Variants in GBE1 observed in about 807,000 individuals in gnomAD.
The protein encoded by GBE1 is 1,4-alpha-glucan branching enzyme 1.
Under a neutral mutation model 88.8 loss-of-function variants are expected in GBE1, and 70 were observed. The observed-to-expected ratio is 0.79, with a 90% CI of 0.65 to 0.96. The LOEUF (loss-of-function observed/expected upper bound fraction) is 0.96. Among genes scored for constraint, GBE1 ranks in the 40% least tolerant of loss-of-function variants. The probability of loss-of-function intolerance (pLI) is 0.00; values close to 1 mark genes in which losing one functional copy is unlikely to be tolerated. For synonymous variants in GBE1, 284 were observed against 300.1 expected (o/e 0.95, Z 0.56); for missense variants, 872 against 871.0 (o/e 1.00, Z -0.01).
intron 7 of GBE1, among the ~76,000 whole-genome samples, chr3:81,599,787 T>C (rs1013500319): frequency 6.6e-6 from 1 of 152,150 alleles, no homozygotes; most frequent in East Asian, 1.9e-4. Context: ...AGCTAATGAC[T>C]AGTTCAAATC....
intron 14 of GBE1, chr3:81,534,969 C>T: frequency 2.3e-6 from 1 of 443,288 alleles, no homozygotes. Flanking sequence ...ACCACGTCTG[C>T]ACTAACCCCT....
In GBE1 at chr3:81,754,514, C is replaced by CAA. The variant is rs61660989; in HGVS notation, c.143+6859_143+6860dup. Among the ~76,000 whole-genome samples, 323 of 79,346 alleles carry CAA rather than the reference C, an allele frequency of 4.1e-3. 2 individuals are homozygous for CAA. In the Middle Eastern group the frequency reaches 0.07, roughly 17 times the overall value. 52.1% of individuals were successfully genotyped at this position (79,346 alleles called of 152,430 possible). On this transcript the variant is annotated intron_variant, in intron 1 of 15. Transcript: ENST00000429644. Reference sequence around the variant, plus strand: ...CCCCAAATAGCCAAATAAATCTTAGCAAAAAAAAAAAAAGGAAGAAAGAAA... The same window carrying CAA: ...CCCCAAATAGCCAAATAAATCTTAGCAAAAAAAAAAAAAAAGGAAGAAAGAAA...
chr3:81,627,763 ATAT>A (rs1003448718), intron 7 of GBE1, among the ~76,000 whole-genome samples: 7 of 128,750 alleles, frequency 5.4e-5, no homozygotes, highest in African/African-American at 1.1e-4. Flanking sequence ...ATATATATAT[ATAT>A]AAAAAACATA....
chr3:81,737,340 TA>T (rs1706274260), intron 1 of GBE1, among the ~76,000 whole-genome samples: 1 of 93,382 alleles, frequency 1.1e-5, no homozygotes, highest in Non-Finnish European at 2.2e-5. Flanking sequence ...TTTTTATATA[TA>T]TTTATATAAA....
At chr3:81,510,655 G>T (rs979514543) in intron 14 of GBE1, among the ~76,000 whole-genome samples, 1 of 151,898 alleles carries the variant, frequency 6.6e-6, no homozygotes, top group African/African-American at 2.4e-5. Flanking sequence ...TGGGTGATGG[G>T]TGCACCAAAA....
chr3:81,645,106 G>C (rs189536068), intron 6 of GBE1, among the ~76,000 whole-genome samples: 8 of 152,304 alleles, frequency 5.3e-5, no homozygotes, highest in African/African-American at 1.7e-4. Context: ...AAGTTCATAA[G>C]ATAGGTCAGA....
chr3:81,617,945 C>T (rs1812639), intron 7 of GBE1, among the ~76,000 whole-genome samples: 1 of 151,830 alleles, frequency 6.6e-6, no homozygotes, highest in Non-Finnish European at 1.5e-5. Flanking sequence ...GTTGTGGTAG[C>T]GTTTTTTTAG....
At chr3:81,583,504 G>C (rs1433182195) in intron 10 of GBE1, among the ~76,000 whole-genome samples, 2 of 152,162 alleles carry the variant, frequency 1.3e-5, no homozygotes, top group South Asian at 2.1e-4. Flanking sequence ...TTAAACTGTG[G>C]TATACCCCTG....
intron 14 of GBE1, among the ~76,000 whole-genome samples, chr3:81,508,686 G>A (rs1262773557): frequency 6.6e-6 from 1 of 152,068 alleles, no homozygotes; most frequent in Non-Finnish European, 1.5e-5. Context: ...TGGAAACGGG[G>A]ACGTCTCTGA....
At chr3:81,612,391 T>C in intron 7 of GBE1, 1 of 830,706 alleles carries the variant, frequency 1.2e-6, no homozygotes, top group Non-Finnish European at 2.0e-6. Flanking sequence ...TAGGATGAAA[T>C]TCTTTGGGAA....
At chr3:81,615,627 T>C (rs1704239596) in intron 7 of GBE1, among the ~76,000 whole-genome samples, 2 of 152,230 alleles carry the variant, frequency 1.3e-5, no homozygotes, top group South Asian at 4.1e-4. Flanking sequence ...CTCATTTTTA[T>C]TGCTGAGTAG....
intron 8 of GBE1, among the ~76,000 whole-genome samples, chr3:81,592,620 A>G (rs1434655339): frequency 1.3e-5 from 2 of 152,120 alleles, no homozygotes; most frequent in African/African-American, 4.8e-5. Context: ...AAAATGTTAA[A>G]CAACTCAGAA....
Position 81,584,561 on chromosome 3 carries a change from C to T in GBE1, c.1335+1531G>A, listed in dbSNP as rs946190868. On this transcript the variant is annotated intron_variant, in intron 10 of 15. Coordinates refer to ENST00000429644, the MANE Select transcript of GBE1 (RefSeq NM_000158.4). ...ATACAATAAGAATTTTAAATAATTA[C>T]ATAAAATAGAAGATGATAACTGCTT... 3.9e-5 allele frequency among the ~76,000 whole-genome samples: 6 copies of T among 152,048 alleles called. No individual in the cohort carries two copies. The South Asian group carries it at 1.0e-3, about 26-fold the overall frequency.
chr3:81,536,995 G>A lies in GBE1; in HGVS notation c.1719C>T (p.Asp573=), dbSNP rs922718313. 2 of 1,591,414 alleles carry A rather than the reference G, an allele frequency of 1.3e-6. No homozygotes were observed. Among genetic ancestry groups the A allele is most frequent in the Non-Finnish European group, 1.7e-6 (2 of 1,170,368 alleles). ...ARRQFHLTDD[D]LLRYKFLNNF... is the part of the protein sequence containing the mutation. ...TATTTAGGAACTTGTAGCGAAGAAG[G>A]TCGTCGTCAGTTAAATGAAACTGCC... The change falls in exon 13 of 16, where the codon GAC becomes GAT. Residue 573 remains aspartate (D), a synonymous_variant. Coordinates refer to ENST00000429644, the MANE Select transcript of GBE1 (RefSeq NM_000158.4).
chr3:81,549,458 G>A (rs1427749103), intron 12 of GBE1, among the ~76,000 whole-genome samples: 4 of 151,552 alleles, frequency 2.6e-5, no homozygotes, highest in East Asian at 1.9e-4. Context: ...TTTCCTTTAA[G>A]GAATTGAGCT....
Position 81,541,315 on chromosome 3 carries a change from G to A in GBE1, c.1619-4220C>T, listed in dbSNP as rs368989111. Among the ~76,000 whole-genome samples, 14 of 151,566 alleles carry A rather than the reference G, an allele frequency of 9.2e-5. No homozygotes were observed. The East Asian group carries it at 2.7e-3, about 30-fold the overall frequency. Reference sequence around the variant, plus strand: ...ACACACAAACACACACCCACCCCACGATACAGCCTCAGAGGGTTCATGGAC... The same window carrying A: ...ACACACAAACACACACCCACCCCACAATACAGCCTCAGAGGGTTCATGGAC... On this transcript the variant is annotated intron_variant, in intron 12 of 15. Transcript: ENST00000429644.
chr3:81,573,518 G>T (rs1038799623), intron 12 of GBE1, among the ~76,000 whole-genome samples: 11 of 152,228 alleles, frequency 7.2e-5, no homozygotes, highest in Admixed American at 1.3e-4. Flanking sequence ...TCTATCACTT[G>T]CCTGTATTCC....
chr3:81,642,781 C>T lies in GBE1; in HGVS notation c.992G>A (p.Ser331Asn). Residue 331 changes from serine (S) to asparagine (N), a missense_variant and splice_region_variant, in exon 7 of 16, where the codon AGC becomes AAC. By Grantham distance (46) the Ser-to-Asn change is conservative. Transcript: ENST00000429644. ...LWDSRLFAYS[S>N]WEILRFLLSN... is the part of the protein sequence containing the mutation. Reference sequence around the variant, plus strand: ...ACATTTCTATATTGTATGTACCTACCTGGAGTAGGCAAACAATCTGCTATC... The same window carrying T: ...ACATTTCTATATTGTATGTACCTACTTGGAGTAGGCAAACAATCTGCTATC... 1 of 1,578,164 alleles carries T rather than the reference C, an allele frequency of 6.3e-7. No homozygotes were observed. The highest frequency in any genetic ancestry group is 8.7e-7 in the Non-Finnish European group (1 of 1,147,476).
intron 1 of GBE1, among the ~76,000 whole-genome samples, chr3:81,744,644 T>C (rs1474960641): frequency 6.6e-6 from 1 of 152,180 alleles, no homozygotes; most frequent in Admixed American, 6.5e-5. Context: ...TAAAGAAACA[T>C]GTTGCTGTGT....
Sources: gnomAD v4.1 joint callset for allele counts (sites outside exome capture counted in the v4.1 genomes callset) on GRCh38, gnomAD v4.1.1 for gene constraint, MANE v1.5 for transcripts, NCBI Gene and HGNC (gene_info 2026-07-23, HGNC 2026-07-21) for gene names.